Variants in WIPF3 observed in about 807,000 individuals in gnomAD.
The protein encoded by WIPF3 is WAS/WASL-interacting protein family member 3.
A neutral mutation model predicts 38.9 loss-of-function variants in WIPF3; 33 were observed. The ratio of observed to expected loss-of-function variants is 0.85; its 90% CI spans 0.64 to 1.14. WIPF3 has a LOEUF of 1.14. Among genes scored for constraint, WIPF3 ranks in the 50% most tolerant of loss-of-function variants. The pLI is 0.00. For missense variants in WIPF3, 711 were observed against 652.5 expected, an observed-to-expected ratio of 1.09 and a Z score of -0.98; for synonymous variants, 324 against 269.3, an observed-to-expected ratio of 1.20 and a Z score of -1.99.
intron 2 of WIPF3, among the ~76,000 whole-genome samples, chr7:29,853,629 A>T (rs1785141066): frequency 1.3e-5 from 2 of 152,190 alleles, no homozygotes; most frequent in Non-Finnish European, 2.9e-5. Context: ...AGGCTCTTTT[A>T]GAGCATGGTG....
rs78338399 is a variant in WIPF3 at position 29,871,715 on chromosome 7, T to G, written c.91-4115T>G. Among the ~76,000 whole-genome samples, 509 of 152,320 alleles carry G rather than the reference T, an allele frequency of 3.3e-3. 6 individuals are homozygous for G. The highest frequency in any genetic ancestry group is 0.012 in the African/African-American group (492 of 41,570). On this transcript the variant is annotated intron_variant, in intron 2 of 8. Coordinates refer to ENST00000242140, the MANE Select transcript of WIPF3 (RefSeq NM_001080529.3). Reference sequence around the variant, plus strand: ...CATTTGTTGGAATGACAAATGGACATGCGAAAGCTTTTATAATGTATCCAG... The same window carrying G: ...CATTTGTTGGAATGACAAATGGACAGGCGAAAGCTTTTATAATGTATCCAG...
intron 2 of WIPF3, among the ~76,000 whole-genome samples, chr7:29,870,425 A>T (rs1220678305): frequency 1.3e-5 from 2 of 152,216 alleles, no homozygotes; most frequent in Non-Finnish European, 2.9e-5. Flanking sequence ...GATGGAGAAG[A>T]GGTGACAGAT....
intron 2 of WIPF3, among the ~76,000 whole-genome samples, chr7:29,860,424 C>G (rs1051635909): frequency 6.6e-6 from 1 of 152,092 alleles, no homozygotes; most frequent in East Asian, 1.9e-4. Context: ...GGTGCCTCCC[C>G]CTGTCTCTCT....
chr7:29,839,571 C>A (rs184943786), intron 2 of WIPF3, among the ~76,000 whole-genome samples: 34 of 152,296 alleles, frequency 2.2e-4, no homozygotes, highest in Admixed American at 1.9e-3. Flanking sequence ...ACCTCATGAG[C>A]AAGCAATCAG....
At chr7:29,852,143 A>G (rs1785109774) in intron 2 of WIPF3, among the ~76,000 whole-genome samples, 1 of 152,130 alleles carries the variant, frequency 6.6e-6, no homozygotes, top group Admixed American at 6.5e-5. Flanking sequence ...CTGAGACTAC[A>G]GGCACACAAC....
intron 7 of WIPF3, among the ~76,000 whole-genome samples, chr7:29,897,668 T>C (rs1388898080): frequency 1.3e-5 from 2 of 152,172 alleles, no homozygotes; most frequent in East Asian, 3.8e-4. Context: ...TTCAACAGTA[T>C]GGAATAGTTC....
intron 8 of WIPF3, 63 bp downstream of exon 8, chr7:29,904,425 G>A: frequency 6.6e-7 from 1 of 1,516,880 alleles, no homozygotes; most frequent in Non-Finnish European, 9.1e-7. Flanking sequence ...GCACAGAAAT[G>A]GTAAGGGTAT....
chr7:29,840,908 C>A (rs554616155), intron 2 of WIPF3, among the ~76,000 whole-genome samples: 1 of 152,230 alleles, frequency 6.6e-6, no homozygotes, highest in South Asian at 2.1e-4. Context: ...ATCGGACATA[C>A]CCTGGTGGTT....
intron 7 of WIPF3, among the ~76,000 whole-genome samples, chr7:29,901,825 C>CAAAAAA (rs869296187): frequency 1.1e-4 from 9 of 82,554 alleles, no homozygotes; most frequent in African/African-American, 1.8e-4. Context: ...GTCCCTGTCT[C>CAAAAAA]AAAAAAAAAA....
intron 2 of WIPF3, among the ~76,000 whole-genome samples, chr7:29,853,553 A>G (rs1021232151): frequency 1.3e-5 from 2 of 152,202 alleles, no homozygotes; most frequent in African/African-American, 4.8e-5. Flanking sequence ...GCCAGTAGCA[A>G]TGGCCTTCTC....
chr7:29,871,509 G>A (rs894966996), intron 2 of WIPF3, among the ~76,000 whole-genome samples: 3 of 152,170 alleles, frequency 2.0e-5, no homozygotes, highest in East Asian at 3.8e-4. Flanking sequence ...GAAATGACCC[G>A]CTAGATTAGA....
chr7:29,905,671 C>T (rs1786381205), intron 8 of WIPF3: 1 of 152,072 alleles, frequency 6.6e-6, no homozygotes, highest in African/African-American at 2.4e-5. Context: ...AATCTGTTCT[C>T]TGATTGGTTA....
intron 1 of WIPF3, among the ~76,000 whole-genome samples, chr7:29,831,392 T>C (rs1409977628): frequency 1.3e-5 from 2 of 152,230 alleles, no homozygotes; most frequent in East Asian, 3.8e-4. Flanking sequence ...CAGATTCAAA[T>C]GCTAACCTGT....
At chr7:29,894,921 T>TG (rs908568821) in intron 7 of WIPF3, among the ~76,000 whole-genome samples, 37 of 147,368 alleles carry the variant, frequency 2.5e-4, no homozygotes, top group Admixed American at 4.0e-4. Context: ...GTGTTGTTGT[T>TG]TTTTTTTGTT....
At chr7:29,866,962 G>C (rs1785398489) in intron 2 of WIPF3, among the ~76,000 whole-genome samples, 1 of 152,224 alleles carries the variant, frequency 6.6e-6, no homozygotes, top group South Asian at 2.1e-4. Flanking sequence ...GGTAGCAGTG[G>C]ATGGTCTGCT....
rs1181259688 is a variant in WIPF3 at position 29,914,381 on chromosome 7, G to A, written c.1429-112G>A. ...GCATCTCCCCAAACTTGACAGCCTT[G>A]CATGAATGAGAAGCTTCGGGGCCCA... On this transcript the variant is annotated intron_variant, in intron 8 of 8. Transcript: ENST00000242140. The A allele has an allele frequency of 1.1e-5, 9 of 837,874 alleles. No homozygotes were observed. In the East Asian group the frequency reaches 1.2e-4, roughly 12 times the overall value. The allele number at this position is 837,874 out of a possible 1,614,324, so 51.9% of individuals were successfully genotyped here.
chr7:29,837,942 G>A (rs966089609), intron 2 of WIPF3, among the ~76,000 whole-genome samples: 3 of 152,018 alleles, frequency 2.0e-5, no homozygotes, highest in Non-Finnish European at 4.4e-5. Flanking sequence ...TTATTGAGAC[G>A]GAGTCTTGCT....
At chr7:29,859,199 C>T (rs762607341) in intron 2 of WIPF3, among the ~76,000 whole-genome samples, 8 of 152,088 alleles carry the variant, frequency 5.3e-5, no homozygotes, top group Middle Eastern at 3.2e-3. Context: ...TGAGACAAGG[C>T]GAAGAATTCG....
rs200533925 is a variant in WIPF3 at position 29,884,543 on chromosome 7, C to T, written c.1049C>T (p.Ala350Val). ...AGAQALPAPP[A>V]PPGSQPFLQK... ...GCGCAGGCCTTGCCCGCCCCGCCTG[C>T]CCCTCCGGGCTCCCAGCCGTTCCTG... Residue 350 changes from alanine to valine, a missense_variant, in exon 5 of 9, where the codon GCC becomes GTC. Transcript: ENST00000242140. The T allele has an allele frequency of 7.5e-6, 12 of 1,600,252 alleles. No homozygotes were observed. Among genetic ancestry groups the T allele is most frequent in the Non-Finnish European group, 1.0e-5 (12 of 1,174,916 alleles).
Sources: allele counts gnomAD v4.1 joint callset (sites outside exome capture counted in the v4.1 genomes callset), GRCh38; gene constraint gnomAD v4.1.1; transcripts MANE v1.5; gene names NCBI Gene and HGNC (gene_info 2026-07-23, HGNC 2026-07-21).